The following KTN1 variants were observed in gnomAD, a reference collection of about 807,000 sequenced individuals.
KTN1 encodes kinectin.
A neutral mutation model predicts 222.5 loss-of-function variants in KTN1; 130 were observed. The ratio of observed to expected loss-of-function variants is 0.58; its 90% CI spans 0.51 to 0.68. The LOEUF (loss-of-function observed/expected upper bound fraction) is 0.68. Ranked by LOEUF, KTN1 falls within the 30% of genes least tolerant of loss-of-function variation. KTN1 has a pLI of 0.00. For missense variants in KTN1, 1,508 were observed against 1,500.4 expected, an observed-to-expected ratio of 1.01 and a Z score of -0.08; for synonymous variants, 512 against 496.3, an observed-to-expected ratio of 1.03 and a Z score of -0.42.
In KTN1 at chr14:55,680,035, C is replaced by A. The variant is rs1047016633; in HGVS notation, c.4069+350C>A. 4.2e-5 allele frequency: 8 copies of A among 190,978 alleles called. No homozygotes were observed. In the East Asian group the frequency reaches 4.5e-4, roughly 11 times the overall value. 11.8% of individuals were successfully genotyped at this position (190,978 alleles called of 1,614,324 possible). The stretch of plus-strand genomic sequence containing the variant: ...TAAGTATCTGTGACCTTTTCTCCCC[C>A]CTCCCTTCCTTCCTCCTTTCCTCCC... On this transcript the variant is annotated intron_variant, in intron 43 of 43. Coordinates refer to ENST00000395314, the MANE Select transcript of KTN1 (RefSeq NM_001079521.2).
At chr14:55,665,478 A>G (rs980228565) in intron 33 of KTN1, among the ~76,000 whole-genome samples, 3 of 152,206 alleles carry the variant, frequency 2.0e-5, no homozygotes, top group Non-Finnish European at 1.5e-5. Flanking sequence ...CTATATTTCA[A>G]TGGAATTTAG....
intron 41 of KTN1, 145 bp downstream of exon 41, chr14:55,676,063 T>C (rs754493307): frequency 3.6e-6 from 2 of 551,994 alleles, no homozygotes; most frequent in Non-Finnish European, 6.4e-6. Flanking sequence ...TGTTATTAGT[T>C]AGTATTTTGG....
intron 1 of KTN1, among the ~76,000 whole-genome samples, chr14:55,599,490 A>T (rs1208403821): frequency 2.0e-5 from 3 of 151,222 alleles, no homozygotes; most frequent in Non-Finnish European, 4.4e-5. Context: ...TTTGAGACAG[A>T]GTCTCGTTCT....
At chr14:55,602,254 CAT>C (rs1491220473) in intron 1 of KTN1, among the ~76,000 whole-genome samples, 12 of 152,256 alleles carry the variant, frequency 7.9e-5, no homozygotes, top group East Asian at 1.9e-4. Context: ...TTTACTGTCT[CAT>C]AGAATTATAT....
At chr14:55,627,005 C>G (rs368685163) in intron 5 of KTN1, among the ~76,000 whole-genome samples, 9 of 152,106 alleles carry the variant, frequency 5.9e-5, no homozygotes, top group African/African-American at 2.2e-4. Flanking sequence ...TTTCAGAGAA[C>G]TACACATCTA....
chr14:55,618,976 T>C (rs1379585848), intron 4 of KTN1, among the ~76,000 whole-genome samples: 1 of 152,248 alleles, frequency 6.6e-6, no homozygotes, highest in African/African-American at 2.4e-5. Flanking sequence ...AACTTTTAGC[T>C]AATGTAATTA....
At chr14:55,588,640 C>T (rs2033512162) in intron 1 of KTN1, among the ~76,000 whole-genome samples, 1 of 152,134 alleles carries the variant, frequency 6.6e-6, no homozygotes, top group Admixed American at 6.6e-5. Flanking sequence ...GAGGTGGCCA[C>T]AAAATTATTA....
intron 1 of KTN1, among the ~76,000 whole-genome samples, chr14:55,595,940 G>T (rs965307761): frequency 3.3e-5 from 5 of 152,012 alleles, no homozygotes; most frequent in Non-Finnish European, 5.9e-5. Flanking sequence ...GGATCATGAG[G>T]TCAGGAGATC....
chr14:55,601,471 G>A lies in KTN1; in HGVS notation c.-30-10548G>A, dbSNP rs557630774. On this transcript the variant is annotated intron_variant, in intron 1 of 43. Transcript: ENST00000395314. ...TTTTAAAAGATAATTGTATAATTGC[G>A]TTGTGCACTCCGGGGCCATTATACT... is the stretch of plus-strand genomic sequence containing the variant. Among the ~76,000 whole-genome samples, 52 of 152,166 alleles carry A rather than the reference G, an allele frequency of 3.4e-4. 1 individual carries two copies. Among genetic ancestry groups the A allele is most frequent in the African/African-American group, 1.1e-3 (44 of 41,506 alleles).
rs2043773244 is a variant in KTN1, at chr14:55,658,676, CAT to C, written c.2961+65_2961+66del. 3.2e-6 allele frequency: 3 copies of C among 927,404 alleles called. No homozygotes were observed. In the South Asian group the frequency reaches 4.4e-5, roughly 14 times the overall value. The allele number at this position is 927,404 out of a possible 1,614,324, so 57.4% of individuals were successfully genotyped here. A position where few individuals can be genotyped will look rare whatever the true frequency, so the allele number is the denominator to read the frequency against. On this transcript the variant is annotated intron_variant, in intron 30 of 43. Coordinates refer to ENST00000395314, the MANE Select transcript of KTN1 (RefSeq NM_001079521.2). ...GGCAAAAAAATTATATAACCAGTGA[CAT>C]ATGAGTATTTTTGCCATTTCTGCAT...
chr14:55,590,493 A>G (rs1054559010), intron 1 of KTN1, among the ~76,000 whole-genome samples: 4 of 151,972 alleles, frequency 2.6e-5, no homozygotes, highest in Non-Finnish European at 1.5e-5. Context: ...AATCCTTTTT[A>G]TTTCTTTATG....
chr14:55,634,816 A>G (rs1359803322), intron 9 of KTN1, among the ~76,000 whole-genome samples, 158 bp downstream of exon 9: 1 of 152,164 alleles, frequency 6.6e-6, no homozygotes. Context: ...GCCTCAGGAA[A>G]CTTACAATCA....
At chr14:55,598,479 T>G (rs2035440710) in intron 1 of KTN1, among the ~76,000 whole-genome samples, 1 of 149,694 alleles carries the variant, frequency 6.7e-6, no homozygotes, top group Non-Finnish European at 1.5e-5. Context: ...TCAGTCATAC[T>G]CTGGTTGGAA....
At chr14:55,584,203 C>T (rs1395614614) in intron 1 of KTN1, among the ~76,000 whole-genome samples, 1 of 151,986 alleles carries the variant, frequency 6.6e-6, no homozygotes, top group Non-Finnish European at 1.5e-5. Context: ...TTCCACTCTC[C>T]TCATTCCCCC....
intron 7 of KTN1, among the ~76,000 whole-genome samples, chr14:55,631,209 C>T (rs1273919604): frequency 6.6e-6 from 1 of 151,378 alleles, no homozygotes; most frequent in East Asian, 1.9e-4. Context: ...GTAATACCTT[C>T]CTTAATTTAA....
chr14:55,649,088 G>A (rs1011156587), intron 21 of KTN1, among the ~76,000 whole-genome samples: 3 of 151,948 alleles, frequency 2.0e-5, no homozygotes, highest in Non-Finnish European at 4.4e-5. Flanking sequence ...CACAATGCTC[G>A]GCTTTTATTT....
chr14:55,587,977 A>G (rs962448443), intron 1 of KTN1, among the ~76,000 whole-genome samples: 8 of 152,132 alleles, frequency 5.3e-5, no homozygotes, highest in African/African-American at 1.7e-4. Context: ...GAGCTTGAAA[A>G]TTCTGGAGCA....
At chr14:55,662,746 C>A (rs2044284179) in intron 32 of KTN1, among the ~76,000 whole-genome samples, 1 of 152,186 alleles carries the variant, frequency 6.6e-6, no homozygotes, top group Non-Finnish European at 1.5e-5. Context: ...TTGACATTTT[C>A]TTGTACCCCT....
intron 1 of KTN1, 28 bp downstream of exon 1, chr14:55,580,382 G>T: frequency 6.8e-6 from 1 of 146,870 alleles, no homozygotes; most frequent in South Asian, 1.9e-4. Flanking sequence ...GCACCGGGAC[G>T]GGCGCCGGCG....
Sources: gnomAD v4.1 joint callset for allele counts (sites outside exome capture counted in the v4.1 genomes callset) on GRCh38, gnomAD v4.1.1 for gene constraint, MANE v1.5 for transcripts, NCBI Gene and HGNC (gene_info 2026-07-23, HGNC 2026-07-21) for gene names.